The following DIP2C variants were observed in gnomAD, a reference collection of about 807,000 sequenced individuals.
DIP2C encodes the protein disco-interacting protein 2 homolog C.
A neutral mutation model predicts 192.4 loss-of-function variants in DIP2C; 33 were observed. The ratio of observed to expected loss-of-function variants is 0.17; its 90% CI spans 0.13 to 0.23. The LOEUF (loss-of-function observed/expected upper bound fraction) is 0.23, where lower values mean the gene tolerates loss of function less well. DIP2C is among the 10% of genes least tolerant of loss of function. The pLI is 1.00. For missense variants in DIP2C, 1,537 were observed against 2,110.1 expected, an observed-to-expected ratio of 0.73 and a Z score of 5.32; for synonymous variants, 979 against 864.1, an observed-to-expected ratio of 1.13 and a Z score of -2.33.
Position 636,118 on chromosome 10 carries a change from C to A in DIP2C, c.85+53376G>T, listed in dbSNP as rs2131907791. ...CAGCATCAACCTGTGCTCATAGCTA[C>A]ATACAAAATAACTTTATCACAAGGA... On this transcript the variant is annotated intron_variant, in intron 1 of 36. Transcript: ENST00000280886. This position sits in a 1 kb window ranked among gnomAD's most constrained non-coding sequence, Gnocchi z 4.6. Among the ~76,000 whole-genome samples the A allele has an allele frequency of 6.6e-6, 1 of 152,308 alleles. No homozygotes were observed. The highest frequency in any genetic ancestry group is 1.5e-5 in the Non-Finnish European group (1 of 68,034).
At chr10:481,884 C>T (rs552538005) in intron 2 of DIP2C, among the ~76,000 whole-genome samples, 2 of 152,256 alleles carry the variant, frequency 1.3e-5, no homozygotes, top group South Asian at 4.1e-4. Context: ...ACCCACACAT[C>T]CATACAGCAA....
intron 4 of DIP2C, among the ~76,000 whole-genome samples, chr10:440,111 A>C (rs188302679): frequency 6.6e-6 from 1 of 152,316 alleles, no homozygotes; most frequent in East Asian, 1.9e-4. Flanking sequence ...AGATCATGAG[A>C]TGTAGTTTAT....
chr10:636,655 G>A lies in DIP2C; in HGVS notation c.85+52839C>T, dbSNP rs1854860183. Among the ~76,000 whole-genome samples, 1 of 152,164 alleles carries A rather than the reference G, an allele frequency of 6.6e-6. No individual in the cohort carries two copies. Among genetic ancestry groups the A allele is most frequent in the African/African-American group, 2.4e-5 (1 of 41,430 alleles). On this transcript the variant is annotated intron_variant, in intron 1 of 36. Coordinates refer to ENST00000280886, the MANE Select transcript of DIP2C (RefSeq NM_014974.3). This position sits in a 1 kb window ranked among gnomAD's most constrained non-coding sequence, Gnocchi z 4.6. ...GTCTTTTCTATCTGGGCCACACACT[G>A]CGCCGAGTGACTCTCCTTCCCCATC...
chr10:298,167 T>C (rs1955850740), intron 32 of DIP2C, among the ~76,000 whole-genome samples: 1 of 152,174 alleles, frequency 6.6e-6, no homozygotes. Flanking sequence ...ACATGACAAT[T>C]GGCCGTCACG....
intron 1 of DIP2C, among the ~76,000 whole-genome samples, chr10:640,265 C>T (rs572979911): frequency 6.6e-6 from 1 of 152,270 alleles, no homozygotes; most frequent in Admixed American, 6.5e-5. Context: ...CGCCCACGGC[C>T]ACCAAGGGCT....
At chr10:395,677 CAG>C (rs1564657903) in intron 10 of DIP2C, among the ~76,000 whole-genome samples, 7 of 152,198 alleles carry the variant, frequency 4.6e-5, no homozygotes, top group African/African-American at 1.4e-4. Flanking sequence ...TATATTGGCA[CAG>C]AGAGGGCAAG....
At chr10:578,222 G>T (rs1039927193) in intron 1 of DIP2C, among the ~76,000 whole-genome samples, 11 of 152,200 alleles carry the variant, frequency 7.2e-5, no homozygotes, top group Non-Finnish European at 1.6e-4. Flanking sequence ...TAACAAAGAA[G>T]ATACTGCATT....
In DIP2C at chr10:689,518, C is replaced by T. The variant is rs1383366980; in HGVS notation, c.61G>A (p.Glu21Lys). The T allele has an allele frequency of 7.7e-7, 1 of 1,291,390 alleles. No individual in the cohort carries two copies. Among genetic ancestry groups the T allele is most frequent in the Non-Finnish European group, 1.0e-6 (1 of 1,000,342 alleles). The allele number at this position is 1,291,390 out of a possible 1,614,324, so 80.0% of individuals were successfully genotyped here. The change falls in exon 1 of 37, where the codon GAG becomes AAG. Residue 21 changes from glutamate to lysine, a missense_variant. This residue lies in a region of DIP2C where 473 missense variants were observed against 539.6 expected (regional missense o/e 0.88). Transcript: ENST00000280886. This position sits in a 1 kb window ranked among gnomAD's most constrained non-coding sequence, Gnocchi z 6.1. Reference protein sequence around the residue: ...LPLEVRARLAELELELSEGDI... With the variant: ...LPLEVRARLAKLELELSEGDI... ...CCTTCCGACAGCTCCAGCTCCAGCT[C>T]GGCCAGGCGCGCCCGCACCTCCAGG...
chr10:548,210 C>CCCA lies in DIP2C; in HGVS notation c.86-61681_86-61680insTGG, dbSNP rs1554897786. Among the ~76,000 whole-genome samples, 39 of 103,614 alleles carry CCCA rather than the reference C, an allele frequency of 3.8e-4. 2 individuals carry two copies. The highest frequency in any genetic ancestry group is 7.1e-4 in the Non-Finnish European group (33 of 46,362). 68.0% of individuals were successfully genotyped at this position (103,614 alleles called of 152,430 possible). A position where few individuals can be genotyped will look rare whatever the true frequency, so the allele number is the denominator to read the frequency against. On this transcript the variant is annotated intron_variant, in intron 1 of 36. Transcript: ENST00000280886. ...TCCAATTCACACGAGTCTGCCCCAC[C>CCCA]CCCCCCCCCACAGGAAAGCCCTGGT...
chr10:458,621 C>A (rs1969498310), intron 3 of DIP2C, among the ~76,000 whole-genome samples: 1 of 151,444 alleles, frequency 6.6e-6, no homozygotes. Flanking sequence ...ACTGGCAGCA[C>A]ACAGCAGAGT....
In DIP2C at chr10:560,015, C is replaced by T. The variant is rs563637082; in HGVS notation, c.86-73485G>A. Reference sequence around the variant, plus strand: ...TCCCCCCGATCCAGTTCTCACCTCTCTCCCCACCCCCTCCGGTTCTCACCT... The same window carrying T: ...TCCCCCCGATCCAGTTCTCACCTCTTTCCCCACCCCCTCCGGTTCTCACCT... On this transcript the variant is annotated intron_variant, in intron 1 of 36. Coordinates refer to ENST00000280886, the MANE Select transcript of DIP2C (RefSeq NM_014974.3). Among the ~76,000 whole-genome samples, 8 of 147,752 alleles carry T rather than the reference C, an allele frequency of 5.4e-5. No individual in the cohort carries two copies. The South Asian group carries it at 1.8e-3, about 34-fold the overall frequency.
intron 3 of DIP2C, among the ~76,000 whole-genome samples, chr10:464,738 A>G (rs1016098121): frequency 1.1e-4 from 16 of 152,262 alleles, no homozygotes; most frequent in Non-Finnish European, 1.9e-4. Context: ...CCAAATGCCC[A>G]TCAATGATAG....
At chr10:559,986 C>G (rs1849115788) in intron 1 of DIP2C, among the ~76,000 whole-genome samples, 1 of 137,970 alleles carries the variant, frequency 7.2e-6, no homozygotes, top group Non-Finnish European at 1.6e-5. Flanking sequence ...CTCCTGTTCT[C>G]CTCTCCCCCC....
At chr10:280,104 C>T (rs761035378) in intron 36 of DIP2C, among the ~76,000 whole-genome samples, 4 of 152,050 alleles carry the variant, frequency 2.6e-5, no homozygotes, top group Non-Finnish European at 4.4e-5. Context: ...TCAAGGAAAT[C>T]GACAATCTGA....
chr10:621,025 G>A (rs541649541), intron 1 of DIP2C, among the ~76,000 whole-genome samples: 1 of 152,272 alleles, frequency 6.6e-6, no homozygotes, highest in African/African-American at 2.4e-5. Context: ...TGGTTCTGAC[G>A]TTTGGTCCTG....
chr10:589,374 T>C (rs188367540), intron 1 of DIP2C, among the ~76,000 whole-genome samples: 5 of 152,318 alleles, frequency 3.3e-5, no homozygotes, highest in Admixed American at 6.5e-5. Context: ...CTATGGATCA[T>C]TGGTTATCAT....
At chr10:327,861 A>G (rs1188924342) in intron 30 of DIP2C, among the ~76,000 whole-genome samples, 1 of 152,174 alleles carries the variant, frequency 6.6e-6, no homozygotes, top group Non-Finnish European at 1.5e-5. Context: ...CAGTTTCCAC[A>G]CCAAATTCAG....
intron 1 of DIP2C, among the ~76,000 whole-genome samples, chr10:495,148 C>T (rs1005363833): frequency 2.6e-5 from 4 of 152,158 alleles, no homozygotes; most frequent in Non-Finnish European, 5.9e-5. Flanking sequence ...ACTGCATGAT[C>T]TCACTTACAT....
chr10:342,865 T>C (rs1167700253), intron 28 of DIP2C, among the ~76,000 whole-genome samples: 1 of 152,222 alleles, frequency 6.6e-6, no homozygotes, highest in Non-Finnish European at 1.5e-5. Context: ...GTGTGTAATG[T>C]CAATTATTTT....
Sources: gnomAD v4.1 joint callset for allele counts (sites outside exome capture counted in the v4.1 genomes callset) on GRCh38, gnomAD v4.1.1 for gene constraint, gnomAD v4.1.1 regional missense constraint, Gnocchi (gnomAD v3.1) non-coding constraint, MANE v1.5 for transcripts, NCBI Gene and HGNC (gene_info 2026-07-23, HGNC 2026-07-21) for gene names.